Variants in ARHGAP29 observed in about 807,000 individuals in gnomAD.
The protein encoded by ARHGAP29 is rho GTPase-activating protein 29.
ARHGAP29 carries 43 observed loss-of-function variants against 122.6 expected under a neutral mutation model. That is an observed-to-expected ratio of 0.35 (90% CI 0.27 to 0.45). The LOEUF is 0.45. Among genes scored for constraint, ARHGAP29 ranks in the 20% least tolerant of loss-of-function variants. The pLI is 1.00. For missense variants in ARHGAP29, 1,303 were observed against 1,477.2 expected (o/e 0.88, Z 1.93); for synonymous variants, 506 against 497.1 (o/e 1.02, Z -0.24).
the ARHGAP29 span, among the ~76,000 whole-genome samples, chr1:94,282,888 G>A: frequency 6.1e-4 from 93 of 152,306 alleles, no homozygotes; most frequent in African/African-American, 2.1e-3. Flanking sequence ...TTAGATCTGA[G>A]TGAATCTAAA....
At position 94,186,603 on chromosome 1, in the gene ARHGAP29, A is replaced by C; in HGVS notation, c.1682-6T>G. On this transcript the variant is annotated splice_polypyrimidine_tract_variant and splice_region_variant and intron_variant, in intron 15 of 22. Transcript: ENST00000260526. Reference sequence around the variant, plus strand: ...AAGTTTTCGATGAAAGTCTCCTAGAAGAAAATTGTGGATACAATTACCTGA... The same window carrying C: ...AAGTTTTCGATGAAAGTCTCCTAGACGAAAATTGTGGATACAATTACCTGA... The C allele has an allele frequency of 1.2e-6, 2 of 1,607,198 alleles. No individual in the cohort carries two copies. Among genetic ancestry groups the C allele is most frequent in the Non-Finnish European group, 1.7e-6 (2 of 1,174,054 alleles).
In ARHGAP29 at chr1:94,223,550, G is replaced by T. The variant is rs371400982; in HGVS notation, c.206-3158C>A. 1.3e-4 allele frequency among the ~76,000 whole-genome samples: 20 copies of T among 152,104 alleles called. No individual in the cohort carries two copies. In the South Asian group the frequency reaches 3.9e-3, roughly 30 times the overall value. On this transcript the variant is annotated intron_variant, in intron 2 of 22. Transcript: ENST00000260526. ...TCATAAATGTTTGCAGCTATTTTTA[G>T]TTGGTGCAAAAGTAATTAATTGCGG...
At position 94,237,549 on chromosome 1, in the gene ARHGAP29, G is replaced by GCAGCCGCAGCCA. The variant is rs1340242666; in HGVS notation, c.-179_-168dup. The GCAGCCGCAGCCA allele has an allele frequency of 2.6e-5, 26 of 990,838 alleles. No homozygotes were observed. Among genetic ancestry groups the GCAGCCGCAGCCA allele is most frequent in the Non-Finnish European group, 3.1e-5 (26 of 833,962 alleles). The allele number at this position is 990,838 out of a possible 1,614,324, so 61.4% of individuals were successfully genotyped here. ...GCCCGGCCAAATCTCAGCCGCAGCC[G>GCAGCCGCAGCCA]CAGCCGCAGCCACAGCCACAGGCAC... On this transcript the variant is annotated 5_prime_UTR_variant, in exon 1 of 23. Transcript: ENST00000260526.
At chr1:94,204,938 G>A in intron 7 of ARHGAP29, 123 bp downstream of exon 7, 1 of 985,146 alleles carries the variant, frequency 1.0e-6, no homozygotes, top group Non-Finnish European at 1.4e-6. Context: ...CTGGATAATG[G>A]TTTTATTCAT....
chr1:94,299,272 A>G, the ARHGAP29 span, among the ~76,000 whole-genome samples: 4 of 152,202 alleles, frequency 2.6e-5, no homozygotes, highest in Admixed American at 6.5e-5. Context: ...CAAAATTCCA[A>G]TCTTGAATTT....
chr1:94,295,062 GT>G, the ARHGAP29 span, among the ~76,000 whole-genome samples: 1 of 152,170 alleles, frequency 6.6e-6, no homozygotes, highest in Non-Finnish European at 1.5e-5. Context: ...CCTCCTTTCG[GT>G]TCAAGAAGAA....
chr1:94,210,747 T>C (rs1460319529), intron 3 of ARHGAP29, among the ~76,000 whole-genome samples: 3 of 152,082 alleles, frequency 2.0e-5, no homozygotes, highest in East Asian at 1.9e-4. Flanking sequence ...AAATAAAATA[T>C]AAGAAATAGG....
chr1:94,227,125 T>C (rs1194275716), intron 2 of ARHGAP29, among the ~76,000 whole-genome samples: 2 of 113,420 alleles, frequency 1.8e-5, no homozygotes, highest in Non-Finnish European at 4.4e-5. Context: ...TATTAAACTT[T>C]TCATTTAATG....
At chr1:94,220,193 G>A (rs1010165533) in intron 3 of ARHGAP29, 65 bp downstream of exon 3, 8 of 1,580,446 alleles carry the variant, frequency 5.1e-6, no homozygotes, top group Non-Finnish European at 6.9e-6. Flanking sequence ...ATTCACTATA[G>A]ACCAAAATAT....
rs945528024 is a variant in ARHGAP29, at chr1:94,209,185, T to C, written c.437+69A>G. 1.5e-5 allele frequency: 17 copies of C among 1,126,366 alleles called. No homozygotes were observed. The Admixed American group carries it at 2.2e-4, about 15-fold the overall frequency. 69.8% of individuals were successfully genotyped at this position (1,126,366 alleles called of 1,614,324 possible). ...ATACTTCGTTTCCCATGTATGTTAC[T>C]GGATAATGCAACATACTCTCACTAA... On this transcript the variant is annotated intron_variant, in intron 4 of 22. Transcript: ENST00000260526.
intron 13 of ARHGAP29, 39 bp downstream of exon 13, chr1:94,189,887 T>G: frequency 6.3e-7 from 1 of 1,594,788 alleles, no homozygotes. Context: ...TTAAGTGTTT[T>G]ATATTTTGAA....
chr1:94,231,886 T>C (rs746961241), intron 1 of ARHGAP29, among the ~76,000 whole-genome samples: 1 of 152,152 alleles, frequency 6.6e-6, no homozygotes, highest in Non-Finnish European at 1.5e-5. Context: ...CTACTGTTCT[T>C]TACATTTCAC....
chr1:94,298,684 T>C, the ARHGAP29 span, among the ~76,000 whole-genome samples: 1 of 152,224 alleles, frequency 6.6e-6, no homozygotes, highest in East Asian at 1.9e-4. Context: ...TCTGTTCTTA[T>C]GGTTAAGGAC....
At chr1:94,262,757 G>A (rs1204083632) in intron 1 of ARHGAP29, among the ~76,000 whole-genome samples, 1 of 152,152 alleles carries the variant, frequency 6.6e-6, no homozygotes, top group African/African-American at 2.4e-5. Context: ...AATGACAGAT[G>A]CTGGCAAGGT....
chr1:94,256,441 A>G (rs1251401705), intron 1 of ARHGAP29, among the ~76,000 whole-genome samples: 1 of 150,566 alleles, frequency 6.6e-6, no homozygotes, highest in Non-Finnish European at 1.5e-5. Context: ...TTGGGTCAGA[A>G]TTTCTTAAGA....
chr1:94,256,180 TCTCCGACATACCCACCAG>T (rs1654339816), intron 1 of ARHGAP29, among the ~76,000 whole-genome samples: 1 of 152,240 alleles, frequency 6.6e-6, no homozygotes, highest in African/African-American at 2.4e-5. Flanking sequence ...AGCAGGACTC[TCTCCGACATACCCACCAG>T]CTCTAGGTAG....
chr1:94,250,973 TA>T (rs1057282685), intron 1 of ARHGAP29, among the ~76,000 whole-genome samples: 1 of 152,152 alleles, frequency 6.6e-6, no homozygotes, highest in Admixed American at 6.6e-5. Flanking sequence ...ATATTAGCCT[TA>T]AAAATGCAAT....
At chr1:94,246,622 T>C (rs1240856508) in intron 1 of ARHGAP29, among the ~76,000 whole-genome samples, 3 of 148,934 alleles carry the variant, frequency 2.0e-5, no homozygotes, top group African/African-American at 7.4e-5. Context: ...AGAGGGGTGG[T>C]GGTGGTGAAA....
At position 94,202,443 on chromosome 1, in the gene ARHGAP29, T is replaced by C. The variant is rs945652878; in HGVS notation, c.1143+101A>G. On this transcript the variant is annotated intron_variant, in intron 11 of 22. Coordinates refer to ENST00000260526, the MANE Select transcript of ARHGAP29 (RefSeq NM_004815.4). ...GGATGGGCTTAGCCATGTTTTAACA[T>C]GCCTTTCCAGGCAGTCTTGGCAGAC... The C allele has an allele frequency of 4.5e-5, 63 of 1,411,100 alleles. 1 individual carries two copies. The East Asian group carries it at 1.3e-3, about 28-fold the overall frequency. 87.4% of individuals were successfully genotyped at this position (1,411,100 alleles called of 1,614,324 possible). A position where few individuals can be genotyped will look rare whatever the true frequency, so the allele number is the denominator to read the frequency against.
Sources: gnomAD v4.1 joint callset for allele counts (sites outside exome capture counted in the v4.1 genomes callset) on GRCh38, gnomAD v4.1.1 for gene constraint, MANE v1.5 for transcripts, NCBI Gene and HGNC (gene_info 2026-07-23, HGNC 2026-07-21) for gene names.